Variants in TMEM132D observed in about 807,000 individuals in gnomAD.
TMEM132D encodes transmembrane protein 132D.
In TMEM132D, 21 loss-of-function variants were observed where a neutral mutation model predicts 62.3. The observed-to-expected ratio is 0.34, with a 90% CI of 0.24 to 0.49. The LOEUF (loss-of-function observed/expected upper bound fraction) is 0.49, where lower values mean the gene tolerates loss of function less well. TMEM132D is among the 20% of genes least tolerant of loss of function. The probability of loss-of-function intolerance (pLI) is 0.99; values close to 1 mark genes in which losing one functional copy is unlikely to be tolerated. For synonymous variants in TMEM132D, 621 were observed against 575.6 expected, an observed-to-expected ratio of 1.08 and a Z score of -1.13; for missense variants, 1,346 against 1,402.8, an observed-to-expected ratio of 0.96 and a Z score of 0.65.
chr12:129,160,766 C>G (rs928982979), intron 5 of TMEM132D, among the ~76,000 whole-genome samples: 1 of 152,060 alleles, frequency 6.6e-6, no homozygotes, highest in Non-Finnish European at 1.5e-5. Flanking sequence ...GAGGTTACTA[C>G]AAAGAAAAAA....
intron 3 of TMEM132D, among the ~76,000 whole-genome samples, chr12:129,455,975 A>C (rs917699352): frequency 1.3e-5 from 2 of 152,174 alleles, no homozygotes; most frequent in Non-Finnish European, 2.9e-5. Flanking sequence ...GGATGATTTA[A>C]GTGGCTATTG....
chr12:129,683,224 G>T (rs1723826395), intron 2 of TMEM132D, among the ~76,000 whole-genome samples: 1 of 152,068 alleles, frequency 6.6e-6, no homozygotes, highest in African/African-American at 2.4e-5. Flanking sequence ...GTGCTCTGGG[G>T]CTGCATGTTA....
intron 1 of TMEM132D, among the ~76,000 whole-genome samples, chr12:129,709,134 G>C (rs139059705): frequency 2.6e-5 from 4 of 152,288 alleles, no homozygotes; most frequent in African/African-American, 9.6e-5. Flanking sequence ...GCTGCTGCAA[G>C]TTTCATAACA....
At chr12:129,284,965 A>G (rs1205524069) in intron 4 of TMEM132D, among the ~76,000 whole-genome samples, 1 of 152,228 alleles carries the variant, frequency 6.6e-6, no homozygotes, top group East Asian at 1.9e-4. Context: ...CCGTGGAGTG[A>G]TGGACACGCT....
intron 5 of TMEM132D, among the ~76,000 whole-genome samples, chr12:129,150,285 G>A (rs960002762): frequency 1.3e-5 from 2 of 152,196 alleles, no homozygotes; most frequent in South Asian, 2.1e-4. Flanking sequence ...CCAGGACCCC[G>A]TGGGTGGGAG....
intron 5 of TMEM132D, among the ~76,000 whole-genome samples, chr12:129,100,730 G>A (rs1310779734): frequency 2.6e-5 from 4 of 152,232 alleles, no homozygotes; most frequent in Non-Finnish European, 5.9e-5. Context: ...TGCTGGTTCC[G>A]TAGAGGTCTC....
At position 129,498,660 on chromosome 12, in the gene TMEM132D, A is replaced by C. The variant is rs190960204; in HGVS notation, c.1115+32399T>G. 2.0e-5 allele frequency among the ~76,000 whole-genome samples: 3 copies of C among 152,356 alleles called. No homozygotes were observed. The East Asian group carries it at 5.8e-4, about 29-fold the overall frequency. ...GCAGAGTTTTGGATAGATGCGTCAA[A>C]TCCAAATACACTTTGGGGCAAATGA... On this transcript the variant is annotated intron_variant, in intron 3 of 8. Coordinates refer to ENST00000422113, the MANE Select transcript of TMEM132D (RefSeq NM_133448.3).
At chr12:129,403,457 G>A (rs139865293) in intron 3 of TMEM132D, among the ~76,000 whole-genome samples, 2 of 151,492 alleles carry the variant, frequency 1.3e-5, no homozygotes, top group African/African-American at 4.9e-5. Context: ...AGTAGGAAAC[G>A]GCATTAATGC....
intron 1 of TMEM132D, among the ~76,000 whole-genome samples, chr12:129,789,189 C>T (rs1007908569): frequency 3.9e-5 from 6 of 152,202 alleles, no homozygotes; most frequent in African/African-American, 9.6e-5. Flanking sequence ...CTCTACCCAA[C>T]GTGTAGTCTT....
chr12:129,497,901 T>A (rs1362830270), intron 3 of TMEM132D, among the ~76,000 whole-genome samples: 1 of 151,800 alleles, frequency 6.6e-6, no homozygotes, highest in Admixed American at 6.6e-5. Context: ...GCTCAAGTGA[T>A]CCACTCATCT....
intron 3 of TMEM132D, among the ~76,000 whole-genome samples, chr12:129,418,398 A>T (rs35024297): frequency 0.17 from 25,885 of 152,218 alleles, 2,525 homozygotes; most frequent in East Asian, 0.3. Context: ...GGATGAGTTC[A>T]TGTCCTTTGC....
intron 3 of TMEM132D, among the ~76,000 whole-genome samples, chr12:129,484,632 T>A (rs997807218): frequency 6.6e-5 from 10 of 152,202 alleles, no homozygotes; most frequent in Admixed American, 5.9e-4. Flanking sequence ...CAACACTGAA[T>A]GTGGAGAAAC....
At chr12:129,614,463 C>T (rs1044812515) in intron 2 of TMEM132D, among the ~76,000 whole-genome samples, 3 of 152,206 alleles carry the variant, frequency 2.0e-5, no homozygotes, top group Non-Finnish European at 4.4e-5. Context: ...TAATGGAATG[C>T]TTAATAACCA....
intron 4 of TMEM132D, among the ~76,000 whole-genome samples, chr12:129,250,090 A>T (rs1390451573): frequency 6.6e-6 from 1 of 152,086 alleles, no homozygotes; most frequent in East Asian, 1.9e-4. Context: ...AGATGCCCCA[A>T]ATGGAGACAT....
intron 5 of TMEM132D, among the ~76,000 whole-genome samples, chr12:129,106,944 T>C (rs1875521133): frequency 6.6e-6 from 1 of 152,186 alleles, no homozygotes; most frequent in Non-Finnish European, 1.5e-5. Context: ...TAGAGGCATG[T>C]TGTGGAAGGA....
intron 3 of TMEM132D, among the ~76,000 whole-genome samples, chr12:129,525,171 C>T (rs1371316187): frequency 4.7e-5 from 7 of 147,694 alleles, no homozygotes; most frequent in Non-Finnish European, 8.9e-5. Context: ...GTGATCTGCC[C>T]GCCTTGGCTT....
intron 4 of TMEM132D, among the ~76,000 whole-genome samples, chr12:129,329,507 AC>A (rs1473850493): frequency 6.6e-6 from 1 of 152,226 alleles, no homozygotes; most frequent in Non-Finnish European, 1.5e-5. Flanking sequence ...CAAAAATTCA[AC>A]AAAAATATTA....
chr12:129,343,363 G>A (rs1275426613), intron 3 of TMEM132D, among the ~76,000 whole-genome samples: 2 of 151,690 alleles, frequency 1.3e-5, no homozygotes, highest in African/African-American at 2.4e-5. Context: ...ACTCATAGGT[G>A]GGAACTGAAC....
rs528342415 is a variant in TMEM132D at position 129,714,769 on chromosome 12, G to C, written c.80-14071C>G. ...GAAATTTTAGAAATGAATGGATAAA[G>C]GAAAAGTCATTGAAGAAAATAACTC... On this transcript the variant is annotated intron_variant, in intron 1 of 8. Coordinates refer to ENST00000422113, the MANE Select transcript of TMEM132D (RefSeq NM_133448.3). Among the ~76,000 whole-genome samples the C allele has an allele frequency of 2.6e-5, 4 of 152,300 alleles. No homozygotes were observed. The East Asian group carries it at 5.8e-4, about 22-fold the overall frequency.
Sources: allele counts gnomAD v4.1 joint callset (sites outside exome capture counted in the v4.1 genomes callset), GRCh38; gene constraint gnomAD v4.1.1; transcripts MANE v1.5; gene names NCBI Gene and HGNC (gene_info 2026-07-23, HGNC 2026-07-21).